The following AGL variants were observed in gnomAD, a reference collection of about 807,000 sequenced individuals.
The protein encoded by AGL is amylo-alpha-1,6-glucosidase and 4-alpha-glucanotransferase.
In AGL, 128 loss-of-function variants were observed where a neutral mutation model predicts 199.3. That is an observed-to-expected ratio of 0.64 (90% CI 0.56 to 0.74). AGL has a LOEUF of 0.74. Among genes scored for constraint, AGL ranks in the 30% least tolerant of loss-of-function variants. The probability of loss-of-function intolerance (pLI) is 0.00; values close to 1 mark genes in which losing one functional copy is unlikely to be tolerated. For synonymous variants in AGL, 584 were observed against 594.7 expected, an observed-to-expected ratio of 0.98 and a Z score of 0.26; for missense variants, 1,809 against 1,820.8, an observed-to-expected ratio of 0.99 and a Z score of 0.12.
rs143815159 is a variant in AGL, at chr1:99,916,481, A to T, written c.4331A>T (p.Asn1444Ile). The T allele has an allele frequency of 5.0e-6, 8 of 1,611,824 alleles. No homozygotes were observed. The African/African-American group carries it at 8.0e-5, about 16-fold the overall frequency. The change falls in exon 32 of 34, where the codon AAT becomes ATT. Residue 1444 changes from asparagine to isoleucine, a missense_variant. Physicochemically the swap from Asn to Ile is moderately radical, Grantham distance 149. Coordinates refer to ENST00000361915, the MANE Select transcript of AGL (RefSeq NM_000642.3). ...NDNYNLAKGF[N>I]YHQGPEWLWP... ...AACTACAATCTTGCTAAAGGTTTCA[A>T]TTATCACCAAGGACCTGTAAGAATT...
chr1:99,901,078 A>T (rs1289277274), intron 26 of AGL, among the ~76,000 whole-genome samples: 1 of 152,094 alleles, frequency 6.6e-6, no homozygotes, highest in African/African-American at 2.4e-5. Context: ...GTACATAAAT[A>T]TGGCCATTGC....
chr1:99,888,183 A>G (rs1438693989), intron 21 of AGL, 75 bp downstream of exon 21: 3 of 1,580,962 alleles, frequency 1.9e-6, no homozygotes, highest in Non-Finnish European at 2.6e-6. Context: ...ACAGACATAG[A>G]TATAGGCTCA....
intron 20 of AGL, among the ~76,000 whole-genome samples, chr1:99,886,412 G>T (rs984579652): frequency 2.0e-5 from 3 of 152,010 alleles, no homozygotes; most frequent in African/African-American, 7.2e-5. Context: ...TTGAGCCCAG[G>T]AGGTCTAGGC....
chr1:99,857,912 T>C (rs1446882369), intron 2 of AGL, among the ~76,000 whole-genome samples: 8 of 152,112 alleles, frequency 5.3e-5, no homozygotes, highest in Admixed American at 4.6e-4. Flanking sequence ...AAGTCTGTTA[T>C]ATGTTAGCAA....
chr1:99,867,579 G>A lies in AGL; in HGVS notation c.665-2821G>A, dbSNP rs749562680. On this transcript the variant is annotated intron_variant, in intron 5 of 33. Coordinates refer to ENST00000361915, the MANE Select transcript of AGL (RefSeq NM_000642.3). ...TTTTTTCTCTTTTTTTTTTTGAGAC[G>A]GAGTCTCCTTCTGTCGCCCAGGCTG... is the stretch of plus-strand genomic sequence containing the variant. Among the ~76,000 whole-genome samples, 9 of 148,858 alleles carry A rather than the reference G, an allele frequency of 6.0e-5. No individual in the cohort carries two copies. In the East Asian group the frequency reaches 9.9e-4, roughly 16 times the overall value.
chr1:99,901,983 CA>C, intron 26 of AGL, among the ~76,000 whole-genome samples: 1 of 151,788 alleles, frequency 6.6e-6, no homozygotes. Flanking sequence ...ACAGTTTATC[CA>C]AAAATATTCA....
chr1:99,893,722 G>A lies in AGL; in HGVS notation c.3259+1115G>A, dbSNP rs117786201. On this transcript the variant is annotated intron_variant, in intron 24 of 33. Coordinates refer to ENST00000361915, the MANE Select transcript of AGL (RefSeq NM_000642.3). Reference sequence around the variant, plus strand: ...AAACAAATAAAAACTAAAAAATTAAGTTGATAAACAAATACAAATAGAAGT... The same window carrying A: ...AAACAAATAAAAACTAAAAAATTAAATTGATAAACAAATACAAATAGAAGT... Among the ~76,000 whole-genome samples the A allele has an allele frequency of 8.9e-4, 135 of 152,280 alleles. 3 individuals are homozygous for A. The East Asian group carries it at 0.025, about 28-fold the overall frequency.
rs1655558891 is a variant in AGL at position 99,922,199 on chromosome 1, C to G, written c.*548C>G. 1 of 151,796 alleles carries G rather than the reference C, an allele frequency of 6.6e-6. No individual in the cohort carries two copies. Among genetic ancestry groups the G allele is most frequent in the Admixed American group, 6.6e-5 (1 of 15,248 alleles). 9.4% of individuals were successfully genotyped at this position (151,796 alleles called of 1,614,324 possible). A position where few individuals can be genotyped will look rare whatever the true frequency, so the allele number is the denominator to read the frequency against. The stretch of plus-strand genomic sequence containing the variant: ...AGCACAGATGTTCAAACTATGCTTT[C>G]ATTTTTTCACTGATATATTAATTTT... On this transcript the variant is annotated 3_prime_UTR_variant, in exon 34 of 34. Coordinates refer to ENST00000361915, the MANE Select transcript of AGL (RefSeq NM_000642.3).
chr1:99,857,765 C>G (rs189100729), intron 2 of AGL, among the ~76,000 whole-genome samples: 2,976 of 36,458 alleles, frequency 0.082, 53 homozygotes, highest in South Asian at 0.23. Flanking sequence ...GGCGGCAGTA[C>G]AGTCCAGCCT....
intron 2 of AGL, among the ~76,000 whole-genome samples, chr1:99,860,167 G>T (rs1296254996): frequency 6.6e-6 from 1 of 152,002 alleles, no homozygotes; most frequent in Non-Finnish European, 1.5e-5. Flanking sequence ...TTCTCTTAGT[G>T]TCTTTTACTG....
chr1:99,915,618 A>AG (rs1655061547), intron 31 of AGL, 132 bp downstream of exon 31: 2 of 744,364 alleles, frequency 2.7e-6, no homozygotes, highest in South Asian at 3.4e-5. Flanking sequence ...AGTTAAAAAA[A>AG]AAATTAGTTG....
chr1:99,861,393 A>T (rs1484038060), intron 2 of AGL, 110 bp from the exon 3 acceptor site: 1 of 1,556,362 alleles, frequency 6.4e-7, no homozygotes, highest in East Asian at 2.4e-5. Context: ...GAGTTATTTT[A>T]AACATAATTG....
Position 99,870,574 on chromosome 1 carries a change from A to G in AGL, c.839A>G (p.His280Arg), listed in dbSNP as rs563472928. Reference protein sequence around the residue: ...GIPALIENDHHMNSIRKIIWE... With the variant: ...GIPALIENDHRMNSIRKIIWE... The stretch of plus-strand genomic sequence containing the variant: ...CCTGCTTTGATTGAAAATGATCACC[A>G]TATGAATGTCAGTATGTACAGAGGA... Residue 280 changes from histidine (H) to arginine (R), a missense_variant, in exon 6 of 34, where the codon CAT becomes CGT. By Grantham distance (29) the His-to-Arg change is conservative (BLOSUM62 0). Transcript: ENST00000361915. The G allele has an allele frequency of 3.1e-6, 5 of 1,614,046 alleles. No individual in the cohort carries two copies. Among genetic ancestry groups the G allele is most frequent in the East Asian group, 2.2e-5 (1 of 44,848 alleles).
chr1:99,908,665 G>A (rs944571477), intron 27 of AGL, among the ~76,000 whole-genome samples: 2 of 152,086 alleles, frequency 1.3e-5, no homozygotes, highest in African/African-American at 2.4e-5. Flanking sequence ...TTCAGGTTGC[G>A]ATTTTCCTGG....
intron 2 of AGL, among the ~76,000 whole-genome samples, chr1:99,851,898 G>GA (rs1054025526): frequency 1.5e-5 from 2 of 136,784 alleles, no homozygotes; most frequent in African/African-American, 2.5e-5. Flanking sequence ...TTAAATTTTT[G>GA]AAAAAAATTT....
At chr1:99,855,622 G>A (rs1649357364) in intron 2 of AGL, among the ~76,000 whole-genome samples, 2 of 152,090 alleles carry the variant, frequency 1.3e-5, no homozygotes, top group South Asian at 2.1e-4. Context: ...CCAACATGGT[G>A]AAACCCCATC....
chr1:99,919,576 T>C (rs1249327198), intron 33 of AGL, among the ~76,000 whole-genome samples: 1 of 152,194 alleles, frequency 6.6e-6, no homozygotes, highest in Admixed American at 6.6e-5. Context: ...TATATAATAA[T>C]ACATAAACAT....
At chr1:99,903,317 G>A (rs150848333) in intron 27 of AGL, among the ~76,000 whole-genome samples, 67 of 151,872 alleles carry the variant, frequency 4.4e-4, no homozygotes, top group African/African-American at 1.5e-3. Flanking sequence ...CCCAGTATGT[G>A]ATATTCCCCT....
intron 22 of AGL, 106 bp from the exon 23 acceptor site, chr1:99,891,500 C>T (rs974548641): frequency 8.6e-6 from 13 of 1,519,486 alleles, no homozygotes; most frequent in South Asian, 3.4e-5. Flanking sequence ...AAATGGAAAT[C>T]GGGTTTATAG....
Sources: gnomAD v4.1 joint callset for allele counts (sites outside exome capture counted in the v4.1 genomes callset) on GRCh38, gnomAD v4.1.1 for gene constraint, MANE v1.5 for transcripts, NCBI Gene and HGNC (gene_info 2026-07-23, HGNC 2026-07-21) for gene names.